Variants in RAPH1 observed in about 807,000 individuals in gnomAD.
The protein encoded by RAPH1 is ras-associated and pleckstrin homology domains-containing protein 1.
In RAPH1, 18 loss-of-function variants were observed where a neutral mutation model predicts 88.1. The ratio of observed to expected loss-of-function variants is 0.20; its 90% confidence interval spans 0.14 to 0.30. The LOEUF is 0.30. Among genes scored for constraint, RAPH1 ranks in the 10% least tolerant of loss-of-function variants. The pLI, the probability that RAPH1 is intolerant of heterozygous loss-of-function variation, is 1.00. For missense variants in RAPH1, 1,448 were observed against 1,543.2 expected, an observed-to-expected ratio of 0.94 and a Z score of 1.03; for synonymous variants, 587 against 559.0, an observed-to-expected ratio of 1.05 and a Z score of -0.71.
intron 4 of RAPH1, among the ~76,000 whole-genome samples, chr2:203,475,003 T>C (rs536238650): frequency 6.6e-6 from 1 of 152,274 alleles, no homozygotes; most frequent in Non-Finnish European, 1.5e-5. Flanking sequence ...CGCAGCTACT[T>C]GGGACGCTGA....
intron 4 of RAPH1, among the ~76,000 whole-genome samples, chr2:203,473,306 C>T (rs2098534709): frequency 1.3e-5 from 2 of 152,004 alleles, no homozygotes; most frequent in Admixed American, 6.6e-5. Flanking sequence ...GTATCTTCTT[C>T]CAATTGGTAC....
intron 10 of RAPH1, among the ~76,000 whole-genome samples, chr2:203,449,639 T>C (rs146598884): frequency 4.6e-5 from 7 of 152,354 alleles, no homozygotes; most frequent in East Asian, 3.9e-4. Flanking sequence ...TAATGACTTA[T>C]GAACACCACA....
chr2:203,504,983 TG>T (rs762113519), intron 1 of RAPH1, among the ~76,000 whole-genome samples: 28 of 152,316 alleles, frequency 1.8e-4, no homozygotes, highest in East Asian at 1.2e-3. Flanking sequence ...TGGATCTTAT[TG>T]TTCATATCAC....
intron 1 of RAPH1, among the ~76,000 whole-genome samples, chr2:203,524,357 T>G (rs552237701): frequency 7.5e-4 from 114 of 152,200 alleles, no homozygotes; most frequent in African/African-American, 2.6e-3. Flanking sequence ...TTGGAAAAAT[T>G]TGCCCACTTT....
intron 1 of RAPH1, among the ~76,000 whole-genome samples, chr2:203,523,452 A>G (rs1689983971): frequency 6.6e-6 from 1 of 151,844 alleles, no homozygotes; most frequent in Non-Finnish European, 1.5e-5. Context: ...GTTTTTAACA[A>G]ATGACACTGG....
In RAPH1 at chr2:203,438,062, C is replaced by T. The variant is rs1163722518; in HGVS notation, c.*1375G>A. The T allele has an allele frequency of 1.1e-4, 53 of 489,384 alleles. No individual in the cohort carries two copies. The East Asian group carries it at 1.6e-3, about 15-fold the overall frequency. The allele number at this position is 489,384 out of a possible 1,614,324, so 30.3% of individuals were successfully genotyped here. A position where few individuals can be genotyped will look rare whatever the true frequency, so the allele number is the denominator to read the frequency against. On this transcript the variant is annotated 3_prime_UTR_variant, in exon 14 of 14. Coordinates refer to ENST00000319170, the MANE Select transcript of RAPH1 (RefSeq NM_213589.3). ...GTGTGTCGTTAGAGCACTGACTCCA[C>T]GTTATACCAAACTGCACACGCATAA...
At chr2:203,493,993 A>G (rs1186070737) in intron 2 of RAPH1, among the ~76,000 whole-genome samples, 6 of 150,128 alleles carry the variant, frequency 4.0e-5, no homozygotes, top group South Asian at 2.1e-4. Flanking sequence ...AAAAAAAAAA[A>G]AAAAAGAAAA....
At position 203,456,592 on chromosome 2, in the gene RAPH1, G is replaced by A. The variant is rs186961821; in HGVS notation, c.1158+938C>T. ...AAATCCTCAGAAAACACTAATATAG[G>A]ACATTTGGGCCTAAATTAATTTTTC... On this transcript the variant is annotated intron_variant, in intron 8 of 13. Coordinates refer to ENST00000319170, the MANE Select transcript of RAPH1 (RefSeq NM_213589.3). Among the ~76,000 whole-genome samples the A allele has an allele frequency of 5.0e-3, 754 of 152,198 alleles. 10 individuals carry two copies. Among genetic ancestry groups the A allele is most frequent in the African/African-American group, 0.017 (715 of 41,546 alleles).
intron 7 of RAPH1, among the ~76,000 whole-genome samples, chr2:203,459,081 G>C (rs1465911416): frequency 6.6e-6 from 1 of 151,992 alleles, no homozygotes; most frequent in Non-Finnish European, 1.5e-5. Context: ...GTGTTAGCCA[G>C]GATGGTCTCG....
chr2:203,462,818 T>A (rs1221342249), intron 4 of RAPH1, among the ~76,000 whole-genome samples: 2 of 152,228 alleles, frequency 1.3e-5, no homozygotes, highest in Admixed American at 6.5e-5. Flanking sequence ...TCTCCAATTT[T>A]AAAAAACTTG....
chr2:203,510,911 A>C (rs997738946), intron 1 of RAPH1, among the ~76,000 whole-genome samples: 1 of 152,070 alleles, frequency 6.6e-6, no homozygotes, highest in Non-Finnish European at 1.5e-5. Flanking sequence ...AATAAATTTA[A>C]AAAAAGAGTA....
chr2:203,457,256 C>T (rs1026919049), intron 8 of RAPH1, among the ~76,000 whole-genome samples: 7 of 152,010 alleles, frequency 4.6e-5, no homozygotes, highest in African/African-American at 1.4e-4. Flanking sequence ...GGTGCAATCT[C>T]GGCTCGCTGC....
chr2:203,450,640 T>C (rs1278261564), intron 10 of RAPH1, among the ~76,000 whole-genome samples: 2 of 152,248 alleles, frequency 1.3e-5, no homozygotes, highest in Non-Finnish European at 2.9e-5. Context: ...CCATAGTTTG[T>C]GCAGAAGATA....
chr2:203,457,474 A>C, intron 8 of RAPH1, 56 bp downstream of exon 8: 2 of 1,410,106 alleles, frequency 1.4e-6, no homozygotes, highest in Non-Finnish European at 2.0e-6. Flanking sequence ...GTGAGCCACC[A>C]TGCCTGGCCT....
chr2:203,470,159 A>G (rs953440865), intron 4 of RAPH1: 7 of 892,106 alleles, frequency 7.8e-6, no homozygotes, highest in Non-Finnish European at 1.2e-5. Flanking sequence ...AAATAATAAT[A>G]TAAGAGCATG....
In RAPH1 at chr2:203,444,869, T is replaced by C; in HGVS notation, c.1775A>G (p.Lys592Arg). ...KRGTQLEESSKARMESMNRPY... is the reference protein window; with the variant it reads ...KRGTQLEESSRARMESMNRPY... Reference sequence around the variant, plus strand: ...TGTAAATTAAAACGAAGCTGTTACCTTGCTGGACTCTTCCAACTGAGTGCC... The same window carrying C: ...TGTAAATTAAAACGAAGCTGTTACCCTGCTGGACTCTTCCAACTGAGTGCC... Residue 592 changes from lysine (K) to arginine (R), a missense_variant and splice_region_variant, in exon 13 of 14, where the codon AAG (lysine) becomes AGG (arginine). Around this residue, in one of 2 missense-constraint regions of RAPH1, gnomAD observed 935 missense variants for 890.1 expected, o/e 1.05. Coordinates refer to ENST00000319170, the MANE Select transcript of RAPH1 (RefSeq NM_213589.3). 6.2e-7 allele frequency: 1 copy of C among 1,613,520 alleles called. No individual in the cohort carries two copies. The highest frequency in any genetic ancestry group is 2.2e-5 in the East Asian group (1 of 44,874).
chr2:203,504,875 G>A (rs1301469014), intron 1 of RAPH1, among the ~76,000 whole-genome samples: 1 of 152,112 alleles, frequency 6.6e-6, no homozygotes, highest in African/African-American at 2.4e-5. Context: ...CTAGCGCAGG[G>A]GCAAAATGCC....
intron 4 of RAPH1, among the ~76,000 whole-genome samples, chr2:203,488,493 G>A (rs1280036590): frequency 2.0e-5 from 3 of 147,402 alleles, no homozygotes; most frequent in Non-Finnish European, 4.5e-5. Context: ...GGAGGCTGAG[G>A]CAGGAGAATC....
At chr2:203,499,923 G>A (rs1688666551) in intron 1 of RAPH1, among the ~76,000 whole-genome samples, 2 of 152,136 alleles carry the variant, frequency 1.3e-5, no homozygotes, top group Non-Finnish European at 2.9e-5. Flanking sequence ...CTTATAGGCT[G>A]GGCACCATCT....
Sources: allele counts gnomAD v4.1 joint callset (sites outside exome capture counted in the v4.1 genomes callset), GRCh38; gene constraint gnomAD v4.1.1; regional missense constraint gnomAD v4.1.1; transcripts MANE v1.5; gene names NCBI Gene and HGNC (gene_info 2026-07-23, HGNC 2026-07-21).